Variants in TRIM58 observed in about 807,000 individuals in gnomAD.
TRIM58 encodes E3 ubiquitin-protein ligase TRIM58.
Under a neutral mutation model 34.1 loss-of-function variants are expected in TRIM58, and 38 were observed. The observed-to-expected ratio is 1.12, with a 90% confidence interval of 0.86 to 1.46. The LOEUF (loss-of-function observed/expected upper bound fraction) is 1.46. Among genes scored for constraint, TRIM58 ranks in the 40% most tolerant of loss-of-function variants. TRIM58 has a pLI of 0.00. For missense variants in TRIM58, 677 were observed against 642.0 expected, an observed-to-expected ratio of 1.05 and a Z score of -0.59; for synonymous variants, 273 against 275.7, an observed-to-expected ratio of 0.99 and a Z score of 0.10.
chr1:247,868,413 A>G (rs1488159923), intron 5 of TRIM58, among the ~76,000 whole-genome samples: 1 of 152,178 alleles, frequency 6.6e-6, no homozygotes, highest in Non-Finnish European at 1.5e-5. Flanking sequence ...GTTCTCTTCC[A>G]GAGTCAATAC....
chr1:247,875,929 C>T lies in TRIM58; in HGVS notation c.901C>T (p.His301Tyr). The T allele has an allele frequency of 6.2e-7, 1 of 1,613,390 alleles. No homozygotes were observed. The highest frequency in any genetic ancestry group is 1.1e-5 in the South Asian group (1 of 90,970). The change falls in exon 6 of 6, where the codon CAC (histidine) becomes TAC (tyrosine). Residue 301 changes from histidine (H) to tyrosine (Y), a missense_variant. Physicochemically the swap from His to Tyr is moderately conservative, Grantham distance 83 (BLOSUM62 2). Transcript: ENST00000366481. The part of the protein sequence containing the change: ...VDVKLDPATA[H>Y]PSLLLTADLR... ...TGTAAAGCTGGATCCCGCCACGGCG[C>T]ACCCGAGTCTGCTCTTGACCGCCGA...
Position 247,860,652 on chromosome 1 carries a change from A to G in TRIM58, c.456A>G (p.Lys152=). The change falls in exon 2 of 6, where the codon AAA becomes AAG. Residue 152 remains lysine (K), a synonymous_variant. Transcript: ENST00000366481. ...AGATGGCTCTGGAACTTATGAGGAA[A>G]GAGTTGGAGGACGCCTTGACTCAGG... is the stretch of plus-strand genomic sequence containing the variant. The part of the protein sequence containing the change: ...KLQMALELMR[K]ELEDALTQEA... The G allele has an allele frequency of 6.2e-7, 1 of 1,613,864 alleles. No homozygotes were observed. Among genetic ancestry groups the G allele is most frequent in the Non-Finnish European group, 8.5e-7 (1 of 1,179,888 alleles).
rs1659373696 is a variant in TRIM58 at position 247,879,983 on chromosome 1, T to G, written c.*3494T>G. ...TTAATTTATGTATGTTTTGCCTTTT[T>G]GTGCTAAATGTAAACACCACAAGGG... On this transcript the variant is annotated 3_prime_UTR_variant, in exon 6 of 6. Coordinates refer to ENST00000366481, the MANE Select transcript of TRIM58 (RefSeq NM_015431.4). Among the ~76,000 whole-genome samples the G allele has an allele frequency of 6.6e-6, 1 of 152,062 alleles. No homozygotes were observed. Among genetic ancestry groups the G allele is most frequent in the South Asian group, 2.1e-4 (1 of 4,828 alleles).
chr1:247,873,626 A>G (rs1659199506), intron 5 of TRIM58, among the ~76,000 whole-genome samples: 1 of 152,198 alleles, frequency 6.6e-6, no homozygotes, highest in Non-Finnish European at 1.5e-5. Flanking sequence ...TTACATAATA[A>G]AAATAATGCA....
Position 247,857,234 on chromosome 1 carries a change from C to G in TRIM58, c.-13C>G. The G allele has an allele frequency of 7.6e-7, 1 of 1,312,454 alleles. No homozygotes were observed. The highest frequency in any genetic ancestry group is 9.8e-7 in the Non-Finnish European group (1 of 1,024,374). The allele number at this position is 1,312,454 out of a possible 1,614,324, so 81.3% of individuals were successfully genotyped here. ...GCGGGCGGCCGGGAGCGCAGCCCTC[C>G]GGGAGGCGGGTCATGGCCTGGGCGC... On this transcript the variant is annotated 5_prime_UTR_variant, in exon 1 of 6. Transcript: ENST00000366481.
At chr1:247,867,245 C>A (rs1280055129) in intron 3 of TRIM58, among the ~76,000 whole-genome samples, 1 of 152,118 alleles carries the variant, frequency 6.6e-6, no homozygotes, top group Non-Finnish European at 1.5e-5. Flanking sequence ...CAAATAAATT[C>A]TATGAGTACT....
At position 247,863,409 on chromosome 1, in the gene TRIM58, G is replaced by A. The variant is rs149567251; in HGVS notation, c.517-1296G>A. Among the ~76,000 whole-genome samples, 672 of 152,032 alleles carry A rather than the reference G, an allele frequency of 4.4e-3. 4 individuals carry two copies. The highest frequency in any genetic ancestry group is 0.011 in the African/African-American group (444 of 41,464). On this transcript the variant is annotated intron_variant, in intron 2 of 5. Coordinates refer to ENST00000366481, the MANE Select transcript of TRIM58 (RefSeq NM_015431.4). ...AAAAATTAGCTGGGCATGGTGCTGC[G>A]TGCCTGTAATCCCACTTACTCGGGA...
At chr1:247,875,076 G>A (rs892194677) in intron 5 of TRIM58, among the ~76,000 whole-genome samples, 5 of 152,042 alleles carry the variant, frequency 3.3e-5, no homozygotes, top group Non-Finnish European at 7.4e-5. Context: ...CTTTCCTGCT[G>A]CCACCAACCC....
At chr1:247,871,321 G>C (rs1299772903) in intron 5 of TRIM58, among the ~76,000 whole-genome samples, 4 of 152,144 alleles carry the variant, frequency 2.6e-5, no homozygotes, top group African/African-American at 9.7e-5. Flanking sequence ...AATTTGATGA[G>C]TTGCTTGAAT....
intron 5 of TRIM58, among the ~76,000 whole-genome samples, chr1:247,875,140 G>A (rs4925751): frequency 0.011 from 1,601 of 152,174 alleles, 67 homozygotes; most frequent in Admixed American, 0.071. Flanking sequence ...TTGATTAGAC[G>A]CACCTTGATA....
At chr1:247,871,502 A>G (rs1441125429) in intron 5 of TRIM58, among the ~76,000 whole-genome samples, 2 of 152,236 alleles carry the variant, frequency 1.3e-5, no homozygotes, top group African/African-American at 4.8e-5. Flanking sequence ...AATGAAAACT[A>G]TGTCTAAATA....
intron 1 of TRIM58, 46 bp from the exon 2 acceptor site, chr1:247,860,571 G>C (rs369456040): frequency 1.5e-6 from 2 of 1,366,036 alleles, no homozygotes; most frequent in African/African-American, 2.9e-5. Context: ...TGTGACGTTA[G>C]GTACAGATTG....
At chr1:247,869,014 C>G (rs1378986627) in intron 5 of TRIM58, among the ~76,000 whole-genome samples, 1 of 152,188 alleles carries the variant, frequency 6.6e-6, no homozygotes, top group African/African-American at 2.4e-5. Flanking sequence ...ATTCTCCTGC[C>G]TCAGCCTCCC....
intron 3 of TRIM58, among the ~76,000 whole-genome samples, chr1:247,865,335 C>T (rs1663895524): frequency 1.3e-5 from 2 of 152,158 alleles, no homozygotes; most frequent in African/African-American, 4.8e-5. Flanking sequence ...TTTCTGAAAA[C>T]TTAAACAGCT....
intron 2 of TRIM58, among the ~76,000 whole-genome samples, chr1:247,862,132 CA>C (rs202178439): frequency 6.7e-6 from 1 of 149,710 alleles, no homozygotes; most frequent in African/African-American, 2.5e-5. Context: ...CTGTCTCAGA[CA>C]AAAAAAGGAA....
In TRIM58 at chr1:247,878,243, G is replaced by T. The variant is rs1659334945; in HGVS notation, c.*1754G>T. On this transcript the variant is annotated 3_prime_UTR_variant, in exon 6 of 6. Transcript: ENST00000366481. ...ATGCTAAAATGTTTAAATGGTAAAT[G>T]CTTCAATGCTAACCAAATATTAATT... The T allele has an allele frequency of 6.6e-6, 1 of 152,014 alleles. No individual in the cohort carries two copies. Among genetic ancestry groups the T allele is most frequent in the African/African-American group, 2.4e-5 (1 of 41,416 alleles). The allele number at this position is 152,014 out of a possible 1,614,324, so 9.4% of individuals were successfully genotyped here.
chr1:247,865,315 A>T (rs145460233), intron 3 of TRIM58, among the ~76,000 whole-genome samples: 221 of 152,308 alleles, frequency 1.5e-3, no homozygotes, highest in African/African-American at 4.9e-3. Flanking sequence ...AGAATTCTTA[A>T]AATTAATGAT....
chr1:247,865,708 A>G (rs1663902334), intron 3 of TRIM58, among the ~76,000 whole-genome samples: 1 of 152,230 alleles, frequency 6.6e-6, no homozygotes, highest in Non-Finnish European at 1.5e-5. Context: ...GTGAGGCATC[A>G]TATCCCAAGT....
At chr1:247,874,922 C>T (rs911207258) in intron 5 of TRIM58, among the ~76,000 whole-genome samples, 4 of 152,194 alleles carry the variant, frequency 2.6e-5, no homozygotes, top group African/African-American at 4.8e-5. Flanking sequence ...TACTGAGATT[C>T]CTGTTTTCTT....
Sources: gnomAD v4.1 joint callset for allele counts (sites outside exome capture counted in the v4.1 genomes callset) on GRCh38, gnomAD v4.1.1 for gene constraint, MANE v1.5 for transcripts, NCBI Gene and HGNC (gene_info 2026-07-23, HGNC 2026-07-21) for gene names.